The following SMOC1 variants were observed in gnomAD, a reference collection of about 807,000 sequenced individuals.
The protein encoded by SMOC1 is SPARC-related modular calcium-binding protein 1.
SMOC1 carries 22 observed loss-of-function variants against 56.3 expected under a neutral mutation model. That is an observed-to-expected ratio of 0.39 (90% CI 0.28 to 0.56). SMOC1 has a LOEUF of 0.56. Among genes scored for constraint, SMOC1 ranks in the 20% least tolerant of loss-of-function variants. SMOC1 has a pLI of 0.61. For missense variants in SMOC1, 509 were observed against 565.4 expected, an observed-to-expected ratio of 0.90 and a Z score of 1.01; for synonymous variants, 193 against 215.0, an observed-to-expected ratio of 0.90 and a Z score of 0.89.
chr14:69,937,926 A>G (rs1173393312), intron 1 of SMOC1, among the ~76,000 whole-genome samples: 1 of 152,176 alleles, frequency 6.6e-6, no homozygotes, highest in Non-Finnish European at 1.5e-5. Context: ...TGATATAGCA[A>G]GACTGGGATT....
chr14:69,915,221 C>T (rs576112973), intron 1 of SMOC1, among the ~76,000 whole-genome samples: 1 of 152,326 alleles, frequency 6.6e-6, no homozygotes, highest in South Asian at 2.1e-4. Context: ...CTTCTTCAAT[C>T]TCAGCCTTGC....
At chr14:69,892,503 G>A (rs1418467900) in intron 1 of SMOC1, among the ~76,000 whole-genome samples, 1 of 152,134 alleles carries the variant, frequency 6.6e-6, no homozygotes, top group Non-Finnish European at 1.5e-5. Flanking sequence ...CCATCTTTGG[G>A]TCCTATCTAG....
chr14:70,005,066 C>T (rs1594850828), intron 7 of SMOC1, among the ~76,000 whole-genome samples: 1 of 152,352 alleles, frequency 6.6e-6, no homozygotes, highest in African/African-American at 2.4e-5. Context: ...CTCCTTTCTT[C>T]AGCAGTTCCT....
chr14:69,970,368 C>T (rs950045468), intron 3 of SMOC1, among the ~76,000 whole-genome samples: 2 of 152,182 alleles, frequency 1.3e-5, no homozygotes, highest in African/African-American at 4.8e-5. Flanking sequence ...TCAGTTTCCT[C>T]ATTTTTGAAG....
chr14:69,986,538 T>C (rs779897959), intron 5 of SMOC1, among the ~76,000 whole-genome samples: 1 of 152,190 alleles, frequency 6.6e-6, no homozygotes, highest in African/African-American at 2.4e-5. Context: ...GCCGTTACCA[T>C]TGGGGGAAAC....
intron 1 of SMOC1, among the ~76,000 whole-genome samples, chr14:69,905,159 G>A (rs1349294888): frequency 1.3e-5 from 2 of 152,146 alleles, no homozygotes; most frequent in Non-Finnish European, 2.9e-5. Flanking sequence ...ATGGGAAGAG[G>A]TGCTATGGCA....
chr14:69,907,994 G>A (rs1208914907), intron 1 of SMOC1, among the ~76,000 whole-genome samples: 1 of 152,098 alleles, frequency 6.6e-6, no homozygotes, highest in African/African-American at 2.4e-5. Context: ...TTGGGGGTGG[G>A]GATTTCATCA....
Position 70,030,325 on chromosome 14 carries a change from T to G in SMOC1, c.*67T>G. 6.3e-7 allele frequency: 1 copy of G among 1,598,254 alleles called. No homozygotes were observed. The highest frequency in any genetic ancestry group is 1.1e-5 in the South Asian group (1 of 88,866). ...AGGATGGATCACCAGACACCTAACC[T>G]TCAGCGTTGCCCATGGCCCTGCCAC... On this transcript the variant is annotated 3_prime_UTR_variant, in exon 12 of 12. Transcript: ENST00000361956.
At chr14:69,978,308 G>A (rs1054677840) in intron 5 of SMOC1, among the ~76,000 whole-genome samples, 1 of 152,152 alleles carries the variant, frequency 6.6e-6, no homozygotes, top group Non-Finnish European at 1.5e-5. Flanking sequence ...GATGAGGAAG[G>A]TAGGGTGCCC....
At chr14:70,004,687 A>ACT (rs933700721) in intron 7 of SMOC1, among the ~76,000 whole-genome samples, 10 of 150,380 alleles carry the variant, frequency 6.6e-5, no homozygotes, top group South Asian at 2.1e-4. Flanking sequence ...TTAAAATATC[A>ACT]CTCTCTCTCT....
At chr14:69,908,352 C>T (rs550985421) in intron 1 of SMOC1, among the ~76,000 whole-genome samples, 3 of 152,214 alleles carry the variant, frequency 2.0e-5, no homozygotes, top group Non-Finnish European at 4.4e-5. Flanking sequence ...ACCACTGAAT[C>T]TGCGTGTGTG....
At chr14:69,889,416 G>T (rs1293800178) in intron 1 of SMOC1, among the ~76,000 whole-genome samples, 1 of 152,200 alleles carries the variant, frequency 6.6e-6, no homozygotes, top group Non-Finnish European at 1.5e-5. Context: ...GATGGCATGT[G>T]TCACCATCTT....
intron 1 of SMOC1, among the ~76,000 whole-genome samples, chr14:69,925,330 A>C (rs1354961290): frequency 6.6e-6 from 1 of 151,832 alleles, no homozygotes; most frequent in East Asian, 1.9e-4. Flanking sequence ...ATGTGTGTCC[A>C]TCTTTTTTCC....
intron 1 of SMOC1, among the ~76,000 whole-genome samples, chr14:69,917,973 T>C (rs1290903510): frequency 2.0e-5 from 3 of 152,158 alleles, no homozygotes; most frequent in Non-Finnish European, 1.5e-5. Context: ...CCTCTAGTAA[T>C]GTGGTCCCCA....
intron 9 of SMOC1, 101 bp downstream of exon 9, chr14:70,011,668 G>C: frequency 8.9e-7 from 1 of 1,129,310 alleles, no homozygotes; most frequent in Non-Finnish European, 1.3e-6. Flanking sequence ...GTTTCCCCAT[G>C]TGTAAGATGG....
At chr14:69,976,621 C>T (rs1465009861) in intron 4 of SMOC1, among the ~76,000 whole-genome samples, 1 of 152,108 alleles carries the variant, frequency 6.6e-6, no homozygotes, top group African/African-American at 2.4e-5. Flanking sequence ...TTTACAAGCC[C>T]CACAGTGTCC....
At chr14:70,024,814 C>T (rs554045957) in intron 11 of SMOC1, among the ~76,000 whole-genome samples, 1 of 152,210 alleles carries the variant, frequency 6.6e-6, no homozygotes, top group South Asian at 2.1e-4. Flanking sequence ...CTGTTGAAGG[C>T]GTTCAGAGAA....
chr14:69,888,275 C>G (rs1344041769), intron 1 of SMOC1, among the ~76,000 whole-genome samples: 1 of 152,156 alleles, frequency 6.6e-6, no homozygotes, highest in African/African-American at 2.4e-5. Flanking sequence ...ATGAAGACCC[C>G]AAAGCAACAT....
chr14:69,919,299 G>A (rs952691834), intron 1 of SMOC1, among the ~76,000 whole-genome samples: 1 of 152,086 alleles, frequency 6.6e-6, no homozygotes, highest in Non-Finnish European at 1.5e-5. Flanking sequence ...ATAAAGCCCT[G>A]GGCCGCTCTC....
Sources: allele counts gnomAD v4.1 joint callset (sites outside exome capture counted in the v4.1 genomes callset), GRCh38; gene constraint gnomAD v4.1.1; transcripts MANE v1.5; gene names NCBI Gene and HGNC (gene_info 2026-07-23, HGNC 2026-07-21).